Variants in FGF18 observed in about 807,000 individuals in gnomAD.
FGF18 encodes fibroblast growth factor 18.
A neutral mutation model predicts 23.0 loss-of-function variants in FGF18; 5 were observed. That is an observed-to-expected ratio of 0.22 (90% CI 0.11 to 0.46). The LOEUF is 0.46. FGF18 is among the 20% of genes least tolerant of loss of function. The pLI, the probability that FGF18 is intolerant of heterozygous loss-of-function variation, is 0.99. For synonymous variants in FGF18, 117 were observed against 118.9 expected (o/e 0.98, Z 0.10); for missense variants, 180 against 291.6 (o/e 0.62, Z 2.79).
chr5:171,449,479 A>ACTT (rs1429862759), intron 4 of FGF18, among the ~76,000 whole-genome samples: 4 of 149,046 alleles, frequency 2.7e-5, no homozygotes, highest in Non-Finnish European at 4.5e-5. Context: ...CCCATCCCCC[A>ACTT]CTTCTCTTCC....
intron 3 of FGF18, among the ~76,000 whole-genome samples, chr5:171,445,248 C>T (rs1010997600): frequency 1.3e-5 from 2 of 152,126 alleles, no homozygotes; most frequent in African/African-American, 4.8e-5. Flanking sequence ...CCACAGGGTC[C>T]AGGCTGTGTG....
At chr5:171,441,008 G>A (rs143670226) in intron 3 of FGF18, among the ~76,000 whole-genome samples, 14 of 152,322 alleles carry the variant, frequency 9.2e-5, no homozygotes, top group Middle Eastern at 3.4e-3. Flanking sequence ...CTTTAAATGT[G>A]GCTAGAAGGA....
chr5:171,435,728 TC>T (rs1772235346), intron 2 of FGF18, among the ~76,000 whole-genome samples: 1 of 152,152 alleles, frequency 6.6e-6, no homozygotes, highest in African/African-American at 2.4e-5. Context: ...CACTTAGTCC[TC>T]ACAGCTACCC....
chr5:171,432,272 T>A (rs1254356964), intron 2 of FGF18, among the ~76,000 whole-genome samples: 1 of 152,166 alleles, frequency 6.6e-6, no homozygotes, highest in African/African-American at 2.4e-5. Flanking sequence ...AGCCCCGCTA[T>A]GCATGTGCTC....
chr5:171,447,875 A>G (rs1190226247), intron 3 of FGF18, among the ~76,000 whole-genome samples: 5 of 152,136 alleles, frequency 3.3e-5, no homozygotes, highest in Admixed American at 1.3e-4. Flanking sequence ...AGGGAGGGGC[A>G]GGGGCTAGGA....
intron 4 of FGF18, among the ~76,000 whole-genome samples, chr5:171,449,517 G>A (rs1275214993): frequency 6.6e-6 from 1 of 151,862 alleles, no homozygotes; most frequent in African/African-American, 2.4e-5. Context: ...CCAGGCTGAG[G>A]TATCCATGGC....
intron 4 of FGF18, among the ~76,000 whole-genome samples, chr5:171,449,678 A>G (rs547910802): frequency 6.6e-6 from 1 of 152,224 alleles, no homozygotes; most frequent in South Asian, 2.1e-4. Flanking sequence ...CGTTTTAACA[A>G]TTGCCAGGGG....
At position 171,434,777 on chromosome 5, in the gene FGF18, C is replaced by T. The variant is rs1011737685; in HGVS notation, c.70-1316C>T. 2.0e-5 allele frequency among the ~76,000 whole-genome samples: 3 copies of T among 150,832 alleles called. No individual in the cohort carries two copies. Among genetic ancestry groups the T allele is most frequent in the Admixed American group, 2.0e-4 (3 of 15,156 alleles). On this transcript the variant is annotated intron_variant, in intron 2 of 4. Coordinates refer to ENST00000274625, the MANE Select transcript of FGF18 (RefSeq NM_003862.3). The surrounding 1 kb of genome is among the most constrained non-coding windows in gnomAD (Gnocchi z 4.6). ...GTGTTAGGTGCTGCGGATATAGTGG[C>T]AAATGAGAGACACTGCTCCAGCTTT... is the stretch of plus-strand genomic sequence containing the variant.
chr5:171,451,067 G>T lies in FGF18; in HGVS notation c.357+1814G>T, dbSNP rs1388372059. On this transcript the variant is annotated intron_variant, in intron 4 of 4. Transcript: ENST00000274625. This position sits in a 1 kb window ranked among gnomAD's most constrained non-coding sequence, Gnocchi z 4.5. ...CCTCGGGCCGCCCCCCCACCCCGCC[G>T]CCGGCCGCCTCCCGCCCGCGGGCGA... Among the ~76,000 whole-genome samples, 10 of 72,554 alleles carry T rather than the reference G, an allele frequency of 1.4e-4. No homozygotes were observed. Among genetic ancestry groups the T allele is most frequent in the Non-Finnish European group, 2.5e-4 (9 of 35,922 alleles). 47.6% of individuals were successfully genotyped at this position (72,554 alleles called of 152,430 possible).
chr5:171,445,863 A>G (rs1477494720), intron 3 of FGF18, among the ~76,000 whole-genome samples: 1 of 152,072 alleles, frequency 6.6e-6, no homozygotes, highest in East Asian at 1.9e-4. Context: ...GGCCCCACAA[A>G]TGGAGCTGTG....
At position 171,419,753 on chromosome 5, in the gene FGF18, C is replaced by G. The variant is rs1352101872; in HGVS notation, c.-447C>G. On this transcript the variant is annotated 5_prime_UTR_variant, in exon 1 of 5. Transcript: ENST00000274625. ...GCTTTCGCGCTGCAGCCGCGCGCCC[C>G]GACCCCGGAGCGCTGACCCCTGGCC... 1 of 151,600 alleles carries G rather than the reference C, an allele frequency of 6.6e-6. No individual in the cohort carries two copies. Among genetic ancestry groups the G allele is most frequent in the African/African-American group, 2.4e-5 (1 of 41,382 alleles). 9.4% of individuals were successfully genotyped at this position (151,600 alleles called of 1,614,324 possible).
intron 2 of FGF18, among the ~76,000 whole-genome samples, chr5:171,432,797 C>G (rs1256174941): frequency 6.6e-6 from 1 of 152,242 alleles, no homozygotes; most frequent in Non-Finnish European, 1.5e-5. Flanking sequence ...GTGGGGCACT[C>G]TGGTTGGTAA....
intron 4 of FGF18, 67 bp downstream of exon 4, chr5:171,449,320 A>G (rs1287153873): frequency 8.0e-6 from 8 of 1,001,556 alleles, no homozygotes; most frequent in African/African-American, 3.3e-5. Context: ...AGCTGGAACA[A>G]TGTGTCCAGG....
Position 171,436,104 on chromosome 5 carries a change from C to T in FGF18, c.81C>T (p.Ala27=), listed in dbSNP as rs145684211. 3.8e-4 allele frequency: 597 copies of T among 1,554,068 alleles called. 1 individual carries two copies. Among genetic ancestry groups the T allele is most frequent in the East Asian group, 5.1e-4 (21 of 41,194 alleles). Residue 27 remains alanine, a synonymous_variant, in exon 3 of 5, where the codon GCC becomes GCT. Coordinates refer to ENST00000274625, the MANE Select transcript of FGF18 (RefSeq NM_003862.3). This position sits in a 1 kb window ranked among gnomAD's most constrained non-coding sequence, Gnocchi z 4.4. ...TTTTCCCTGCCCAGGTGCTGGTTGC[C>T]GAGGAGAACGTGGACTTCCGCATCC... is the stretch of plus-strand genomic sequence containing the variant. ...LLCFQVQVLV[A]EENVDFRIHV... is the part of the protein sequence containing the mutation.
intron 2 of FGF18, among the ~76,000 whole-genome samples, chr5:171,423,588 C>T (rs919794341): frequency 5.3e-5 from 8 of 152,132 alleles, no homozygotes; most frequent in African/African-American, 1.9e-4. Context: ...GCCACTTCCT[C>T]TCTCACCACA....
chr5:171,444,625 G>A (rs1420362209), intron 3 of FGF18, among the ~76,000 whole-genome samples: 1 of 152,186 alleles, frequency 6.6e-6, no homozygotes, highest in Non-Finnish European at 1.5e-5. Context: ...GGAGCCCATG[G>A]TTCTTGCAAG....
intron 2 of FGF18, among the ~76,000 whole-genome samples, chr5:171,431,025 A>G (rs930963477): frequency 6.6e-6 from 1 of 152,020 alleles, no homozygotes. Context: ...GTGATGTGTG[A>G]TGTGACGCAC....
At chr5:171,432,953 T>C (rs1191015798) in intron 2 of FGF18, among the ~76,000 whole-genome samples, 1 of 152,190 alleles carries the variant, frequency 6.6e-6, no homozygotes, top group Non-Finnish European at 1.5e-5. Flanking sequence ...GCCATTGCAG[T>C]AGAGTGTTCG....
rs1195721811 is a variant in FGF18, at chr5:171,451,389, C to G, written c.357+2136C>G. Among the ~76,000 whole-genome samples, 2 of 152,228 alleles carry G rather than the reference C, an allele frequency of 1.3e-5. No homozygotes were observed. Among genetic ancestry groups the G allele is most frequent in the African/African-American group, 4.8e-5 (2 of 41,464 alleles). ...CAGCGCCCCCTCGCTCTCTGGCCCC[C>G]GAGGCGGGAATCTGGCTCCTGGGCT... On this transcript the variant is annotated intron_variant, in intron 4 of 4. Coordinates refer to ENST00000274625, the MANE Select transcript of FGF18 (RefSeq NM_003862.3). The surrounding 1 kb of genome is among the most constrained non-coding windows in gnomAD (Gnocchi z 4.5).
Sources: gnomAD v4.1 joint callset for allele counts (sites outside exome capture counted in the v4.1 genomes callset) on GRCh38, gnomAD v4.1.1 for gene constraint, Gnocchi (gnomAD v3.1) non-coding constraint, MANE v1.5 for transcripts, NCBI Gene and HGNC (gene_info 2026-07-23, HGNC 2026-07-21) for gene names.